Variants in ANKRD55 observed in about 807,000 individuals in gnomAD.
The protein encoded by ANKRD55 is ankyrin repeat domain 55, also known as ankyrin repeat domain-containing protein 55.
ANKRD55 carries 41 observed loss-of-function variants against 60.6 expected under a neutral mutation model. The observed-to-expected ratio is 0.68, with a 90% CI of 0.53 to 0.88. ANKRD55 has a LOEUF of 0.88. ANKRD55 is among the 40% of genes least tolerant of loss of function. The probability of loss-of-function intolerance (pLI) is 0.00; values close to 1 mark genes in which losing one functional copy is unlikely to be tolerated. For missense variants in ANKRD55, 732 were observed against 767.6 expected (o/e 0.95, Z 0.55); for synonymous variants, 264 against 290.3 (o/e 0.91, Z 0.92).
At chr5:56,129,859 T>C (rs1277146811) in intron 7 of ANKRD55, among the ~76,000 whole-genome samples, 12 of 152,176 alleles carry the variant, frequency 7.9e-5, no homozygotes, top group Admixed American at 7.9e-4. Flanking sequence ...CAGCCGCTTA[T>C]CCCTCCTAAA....
At position 56,143,779 on chromosome 5, in the gene ANKRD55, AGTCCACAG is replaced by A. The variant is rs749900940; in HGVS notation, c.612+14_612+21del. The stretch of plus-strand genomic sequence containing the variant: ...CTTTCCACCATTTAAACCTGAGACC[AGTCCACAG>A]GTCAATTTCTCACCTGGACTGCCCA... On this transcript the variant is annotated intron_variant, in intron 7 of 11. Coordinates refer to ENST00000341048, the MANE Select transcript of ANKRD55 (RefSeq NM_024669.3). 3.7e-6 allele frequency: 6 copies of A among 1,614,062 alleles called. No individual in the cohort carries two copies. In the South Asian group the frequency reaches 5.5e-5, roughly 15 times the overall value.
At chr5:56,228,110 A>G (rs1214204175) in intron 2 of ANKRD55, among the ~76,000 whole-genome samples, 2 of 152,120 alleles carry the variant, frequency 1.3e-5, no homozygotes, top group Non-Finnish European at 2.9e-5. Flanking sequence ...CTAACCTCTA[A>G]TCCTGGAACC....
chr5:56,108,664 G>C (rs1201204592), intron 10 of ANKRD55, among the ~76,000 whole-genome samples: 2 of 152,204 alleles, frequency 1.3e-5, no homozygotes, highest in Non-Finnish European at 2.9e-5. Flanking sequence ...AGGGTGAAGA[G>C]AGTCAAAATC....
intron 7 of ANKRD55, among the ~76,000 whole-genome samples, chr5:56,139,368 T>C (rs1349482893): frequency 2.0e-5 from 3 of 152,140 alleles, no homozygotes; most frequent in African/African-American, 7.2e-5. Flanking sequence ...GTCCACAGTC[T>C]AGAAGGGAAG....
rs142286731 is a variant in ANKRD55, at chr5:56,147,166, G to C, written c.484-3237C>G. Among the ~76,000 whole-genome samples the C allele has an allele frequency of 2.1e-3, 315 of 152,204 alleles. 1 individual carries two copies. The highest frequency in any genetic ancestry group is 7.3e-3 in the African/African-American group (305 of 41,510). On this transcript the variant is annotated intron_variant, in intron 6 of 11. Coordinates refer to ENST00000341048, the MANE Select transcript of ANKRD55 (RefSeq NM_024669.3). ...TAGAATCTTTACATGATCCTAAGGGGTTAGTAGTTTTAAGCCTATTTTACA... is the reference window on the plus strand; with the variant it reads ...TAGAATCTTTACATGATCCTAAGGGCTTAGTAGTTTTAAGCCTATTTTACA...
chr5:56,182,050 C>T (rs1351553486), intron 3 of ANKRD55, among the ~76,000 whole-genome samples: 1 of 151,854 alleles, frequency 6.6e-6, no homozygotes, highest in Non-Finnish European at 1.5e-5. Flanking sequence ...ATAACTGAAA[C>T]GTGTTTTCTC....
intron 5 of ANKRD55, among the ~76,000 whole-genome samples, chr5:56,166,665 G>A (rs1217094463): frequency 6.6e-6 from 1 of 152,090 alleles, no homozygotes; most frequent in South Asian, 2.1e-4. Context: ...AAAAAGACAT[G>A]ATCTATAGTC....
At chr5:56,189,811 T>G (rs1293287854) in intron 2 of ANKRD55, among the ~76,000 whole-genome samples, 1 of 152,226 alleles carries the variant, frequency 6.6e-6, no homozygotes, top group East Asian at 1.9e-4. Flanking sequence ...TTTGCATTCC[T>G]GCTTTTAATT....
chr5:56,214,597 C>A (rs1759758464), intron 2 of ANKRD55, among the ~76,000 whole-genome samples: 3 of 152,202 alleles, frequency 2.0e-5, no homozygotes. Context: ...GCACTGGGAT[C>A]TGAGTGTCCA....
intron 2 of ANKRD55, chr5:56,193,223 T>C (rs1016691880): frequency 3.1e-5 from 30 of 958,914 alleles, no homozygotes; most frequent in Middle Eastern, 3.6e-4. Context: ...GATTTCTTGA[T>C]GCATTTAAAA....
intron 2 of ANKRD55, among the ~76,000 whole-genome samples, chr5:56,219,013 C>T (rs982231530): frequency 6.6e-5 from 10 of 152,194 alleles, no homozygotes; most frequent in Admixed American, 5.9e-4. Flanking sequence ...TGACTCACAC[C>T]TGTAATCCCA....
chr5:56,168,627 C>G (rs745536351), intron 5 of ANKRD55, among the ~76,000 whole-genome samples: 1 of 152,140 alleles, frequency 6.6e-6, no homozygotes, highest in African/African-American at 2.4e-5. Context: ...CATATATGGA[C>G]TTTGGTACTA....
rs1561264015 is a variant in ANKRD55, at chr5:56,135,299, C to CTT, written c.613-8195_613-8194dup. On this transcript the variant is annotated intron_variant, in intron 7 of 11. Coordinates refer to ENST00000341048, the MANE Select transcript of ANKRD55 (RefSeq NM_024669.3). ...CCCTCCCTGCCTGCCTGCTTGCTTT[C>CTT]TTTCTTTCTTTCTTTCTTTCTTTCT... Among the ~76,000 whole-genome samples the CTT allele has an allele frequency of 4.2e-3, 20 of 4,706 alleles. 1 individual carries two copies. The highest frequency in any genetic ancestry group is 0.028 in the African/African-American group (20 of 726). 3.1% of individuals were successfully genotyped at this position (4,706 alleles called of 152,430 possible).
chr5:56,115,214 T>TAATAAATAAATA (rs60123277), intron 9 of ANKRD55, among the ~76,000 whole-genome samples: 27 of 144,678 alleles, frequency 1.9e-4, no homozygotes, highest in East Asian at 6.0e-4. Context: ...ATAATAATAA[T>TAATAAATAAATA]AATAAATAAA....
At chr5:56,216,402 C>CT (rs1171094446) in intron 2 of ANKRD55, among the ~76,000 whole-genome samples, 2 of 152,178 alleles carry the variant, frequency 1.3e-5, no homozygotes, top group Non-Finnish European at 2.9e-5. Flanking sequence ...CTACAATGGT[C>CT]TTTGAGTATT....
At chr5:56,214,922 A>G (rs1054917959) in intron 2 of ANKRD55, among the ~76,000 whole-genome samples, 2 of 152,168 alleles carry the variant, frequency 1.3e-5, no homozygotes, top group Non-Finnish European at 1.5e-5. Context: ...CAGATGGATA[A>G]AAGTGTCAAT....
intron 5 of ANKRD55, among the ~76,000 whole-genome samples, chr5:56,164,428 G>A (rs1053349759): frequency 1.3e-4 from 20 of 152,106 alleles, no homozygotes; most frequent in Admixed American, 7.2e-4. Flanking sequence ...ACACCACCTG[G>A]TAACTAGAGA....
At chr5:56,182,667 GTATTA>G (rs1200888729) in intron 3 of ANKRD55, among the ~76,000 whole-genome samples, 1 of 152,100 alleles carries the variant, frequency 6.6e-6, no homozygotes, top group Non-Finnish European at 1.5e-5. Context: ...GACTTTTGGG[GTATTA>G]TATTATGAGA....
At chr5:56,196,464 T>G (rs774210334) in intron 2 of ANKRD55, among the ~76,000 whole-genome samples, 4 of 152,172 alleles carry the variant, frequency 2.6e-5, no homozygotes, top group Non-Finnish European at 5.9e-5. Context: ...CTGTGTATAA[T>G]AGTGTTAATG....
Sources: gnomAD v4.1 joint callset for allele counts (sites outside exome capture counted in the v4.1 genomes callset) on GRCh38, gnomAD v4.1.1 for gene constraint, MANE v1.5 for transcripts, NCBI Gene and HGNC (gene_info 2026-07-23, HGNC 2026-07-21) for gene names.